The following GCA variants were observed in gnomAD, a reference collection of about 807,000 sequenced individuals.
GCA encodes the protein grancalcin, also known as grancalcin, EF-hand calcium-binding protein.
In GCA, 30 loss-of-function variants were observed where a neutral mutation model predicts 32.6. The ratio of observed to expected loss-of-function variants is 0.92; its 90% CI spans 0.69 to 1.25. The LOEUF (loss-of-function observed/expected upper bound fraction) is 1.25. Among genes scored for constraint, GCA ranks in the 50% most tolerant of loss-of-function variants. The probability of loss-of-function intolerance (pLI) is 0.00; values close to 1 mark genes in which losing one functional copy is unlikely to be tolerated. For missense variants in GCA, 291 were observed against 266.8 expected, an observed-to-expected ratio of 1.09 and a Z score of -0.63; for synonymous variants, 102 against 84.6, an observed-to-expected ratio of 1.21 and a Z score of -1.13.
intron 2 of GCA, among the ~76,000 whole-genome samples, chr2:162,348,080 T>TAGATA (rs1409558034): frequency 1.3e-5 from 2 of 152,138 alleles, no homozygotes; most frequent in Non-Finnish European, 2.9e-5. Flanking sequence ...CACCAAAACT[T>TAGATA]AGATATATCT....
At chr2:162,346,993 A>G (rs1278289073) in intron 1 of GCA, among the ~76,000 whole-genome samples, 1 of 152,224 alleles carries the variant, frequency 6.6e-6, no homozygotes, top group African/African-American at 2.4e-5. Flanking sequence ...ATCCCTCAGG[A>G]TACTACCAGA....
chr2:162,347,570 T>C lies in GCA; in HGVS notation c.28-8T>C, dbSNP rs1329642306. 1 of 1,586,882 alleles carries C rather than the reference T, an allele frequency of 6.3e-7. No homozygotes were observed. Among genetic ancestry groups the C allele is most frequent in the South Asian group, 1.1e-5 (1 of 88,572 alleles). On this transcript the variant is annotated splice_region_variant and splice_polypyrimidine_tract_variant and intron_variant, in intron 1 of 7. Coordinates refer to ENST00000437150, the MANE Select transcript of GCA (RefSeq NM_012198.5). ...TATTACTAACCTTCTCCCCTTTCAC[T>C]ATTATAGTTTGGAAATTTTAGCATT...
At chr2:162,341,638 C>A (rs777423561), upstream of GCA, among the ~76,000 whole-genome samples, 3 of 152,096 alleles carry the variant, frequency 2.0e-5, no homozygotes, top group Non-Finnish European at 4.4e-5. Flanking sequence ...GTTTCCTTGG[C>A]TATTTCTCTA....
intron 4 of GCA, among the ~76,000 whole-genome samples, chr2:162,369,776 C>G (rs528636191): frequency 6.6e-6 from 1 of 152,166 alleles, no homozygotes; most frequent in South Asian, 2.1e-4. Context: ...AATAAAATCC[C>G]AAAATAGTCC....
chr2:162,363,916 A>G (rs1479557615), downstream of GCA, among the ~76,000 whole-genome samples: 2 of 151,530 alleles, frequency 1.3e-5, no homozygotes, highest in Non-Finnish European at 3.0e-5. Flanking sequence ...ACACTTCTAC[A>G]TCACTATGAT....
chr2:162,320,495 A>C (rs1323828384), intron 1 of GCA, among the ~76,000 whole-genome samples: 1 of 152,158 alleles, frequency 6.6e-6, no homozygotes, highest in Admixed American at 6.5e-5. Context: ...GGTTTCAAAC[A>C]TGGGGGAATG....
At position 162,359,066 on chromosome 2, in the gene GCA, A is replaced by G. The variant is rs765039748; in HGVS notation, c.477A>G (p.Thr159=). 2 of 1,583,480 alleles carry G rather than the reference A, an allele frequency of 1.3e-6. No homozygotes were observed. The highest frequency in any genetic ancestry group is 2.7e-5 in the African/African-American group (2 of 74,046). The change falls in exon 6 of 8, where the codon ACA becomes ACG. Residue 159 remains threonine (T), a synonymous_variant. Coordinates refer to ENST00000437150, the MANE Select transcript of GCA (RefSeq NM_012198.5). ...TAGGTTATAGGTTGAGTCCTCAAAC[A>G]TTAACTACTATTGTTAAACGTTATA... ...GLMGYRLSPQ[T]LTTIVKRYSK...
At chr2:162,374,597 C>T (rs1686094116), downstream of GCA, among the ~76,000 whole-genome samples, 1 of 152,044 alleles carries the variant, frequency 6.6e-6, no homozygotes, top group Admixed American at 6.6e-5. Context: ...AAAGGAAAAT[C>T]ATAGGATTAA....
At chr2:162,338,922 C>G (rs1684357393) in intron 1 of GCA, among the ~76,000 whole-genome samples, 1 of 152,124 alleles carries the variant, frequency 6.6e-6, no homozygotes, top group Admixed American at 6.5e-5. Context: ...CAATCATCAC[C>G]TTTCTGAAGA....
chr2:162,371,997 A>G, downstream of GCA: 1 of 1,613,838 alleles, frequency 6.2e-7, no homozygotes, highest in East Asian at 2.2e-5. Context: ...TTAAAAGTGA[A>G]GTCAAGTTGT....
At chr2:162,319,946 TGA>T (rs1683604307) in intron 1 of GCA, among the ~76,000 whole-genome samples, 1 of 152,216 alleles carries the variant, frequency 6.6e-6, no homozygotes, top group South Asian at 2.1e-4. Context: ...AATATCCAAA[TGA>T]GCACTTTATG....
chr2:162,329,310 T>A (rs976852306), intron 1 of GCA, among the ~76,000 whole-genome samples: 20 of 152,276 alleles, frequency 1.3e-4, no homozygotes, highest in African/African-American at 4.3e-4. Context: ...TATATTATAA[T>A]TGAAAAAGTC....
At chr2:162,371,728 C>A (rs183509596), downstream of GCA, 507 of 1,130,214 alleles carry the variant, frequency 4.5e-4, no homozygotes, top group East Asian at 1.4e-3. Flanking sequence ...TATAATGGTA[C>A]CTTGTGAGCC....
intron 1 of GCA, among the ~76,000 whole-genome samples, chr2:162,329,464 T>A (rs1301262305): frequency 6.6e-6 from 1 of 152,070 alleles, no homozygotes; most frequent in African/African-American, 2.4e-5. Context: ...TTTTTTATTA[T>A]CAGTGCACTG....
downstream of GCA, chr2:162,372,167 A>C: frequency 8.2e-7 from 1 of 1,221,394 alleles, no homozygotes. Context: ...TACACTAATA[A>C]AAACTTAAGC....
chr2:162,363,915 C>T (rs1051363634), downstream of GCA, among the ~76,000 whole-genome samples: 5 of 151,524 alleles, frequency 3.3e-5, no homozygotes, highest in African/African-American at 1.2e-4. Flanking sequence ...AACACTTCTA[C>T]ATCACTATGA....
At chr2:162,348,368 T>C (rs1170263296) in intron 2 of GCA, among the ~76,000 whole-genome samples, 1 of 152,174 alleles carries the variant, frequency 6.6e-6, no homozygotes, top group Non-Finnish European at 1.5e-5. Context: ...AACAATATGA[T>C]TGGAAATCAC....
intron 1 of GCA, among the ~76,000 whole-genome samples, chr2:162,338,935 C>T (rs1052862252): frequency 2.0e-5 from 3 of 152,172 alleles, no homozygotes; most frequent in African/African-American, 7.2e-5. Flanking sequence ...TCTGAAGAGC[C>T]TTGTTAACAA....
chr2:162,350,510 C>A (rs1684937831), intron 2 of GCA, among the ~76,000 whole-genome samples: 1 of 152,046 alleles, frequency 6.6e-6, no homozygotes, highest in Non-Finnish European at 1.5e-5. Context: ...ACTCATTATA[C>A]CATTGCCATT....
Sources: allele counts gnomAD v4.1 joint callset (sites outside exome capture counted in the v4.1 genomes callset), GRCh38; gene constraint gnomAD v4.1.1; transcripts MANE v1.5; gene names NCBI Gene and HGNC (gene_info 2026-07-23, HGNC 2026-07-21).